Variants in LTBP1 observed in about 807,000 individuals in gnomAD.
LTBP1 encodes latent-transforming growth factor beta-binding protein 1.
A neutral mutation model predicts 207.6 loss-of-function variants in LTBP1; 129 were observed. The observed-to-expected ratio is 0.62, with a 90% CI of 0.54 to 0.72. The LOEUF is 0.72. LTBP1 is among the 30% of genes least tolerant of loss of function. The pLI is 0.00. For missense variants in LTBP1, 2,281 were observed against 2,217.2 expected, an observed-to-expected ratio of 1.03 and a Z score of -0.58; for synonymous variants, 963 against 833.7, an observed-to-expected ratio of 1.16 and a Z score of -2.67.
At position 33,071,441 on chromosome 2, in the gene LTBP1, G is replaced by A. The variant is rs964276864; in HGVS notation, c.864-39141G>A. Among the ~76,000 whole-genome samples the A allele has an allele frequency of 9.8e-5, 15 of 152,312 alleles. No homozygotes were observed. In the East Asian group the frequency reaches 1.2e-3, roughly 12 times the overall value. ...ATCTGCCTTATACTCTAGGGGAGAG[G>A]ATTCTGCAAGAATCTGGACTACCAG... is the stretch of plus-strand genomic sequence containing the variant. On this transcript the variant is annotated intron_variant, in intron 3 of 33. Coordinates refer to ENST00000404816, the MANE Select transcript of LTBP1 (RefSeq NM_206943.4).
At chr2:33,357,039 A>G (rs1257511089) in intron 26 of LTBP1, among the ~76,000 whole-genome samples, 1 of 152,234 alleles carries the variant, frequency 6.6e-6, no homozygotes, top group African/African-American at 2.4e-5. Context: ...TTCAGAACAC[A>G]TTGTAAATGG....
At chr2:33,024,732 A>G (rs962740590) in intron 3 of LTBP1, among the ~76,000 whole-genome samples, 5 of 152,238 alleles carry the variant, frequency 3.3e-5, no homozygotes, top group Admixed American at 3.3e-4. Context: ...ACTGGAGGAG[A>G]AGGGTGTATC....
At chr2:33,230,135 A>G (rs2091703814) in intron 9 of LTBP1, among the ~76,000 whole-genome samples, 1 of 152,216 alleles carries the variant, frequency 6.6e-6, no homozygotes. Context: ...AAAGGAGCCC[A>G]TTTAGCATCT....
At position 33,389,294 on chromosome 2, in the gene LTBP1, T is replaced by C; in HGVS notation, c.4822T>C (p.Phe1608Leu). The C allele has an allele frequency of 6.2e-7, 1 of 1,614,184 alleles. No individual in the cohort carries two copies. Among genetic ancestry groups the C allele is most frequent in the East Asian group, 2.2e-5 (1 of 44,864 alleles). ...EQYTPEADPY[F>L]IQDRFLNSFE... ...GTATACTCCAGAAGCCGATCCCTAC[T>C]TCATCCAAGACCGTAAGCAAAATAA... Residue 1608 changes from phenylalanine to leucine, a missense_variant, in exon 32 of 34, where the codon TTC becomes CTC. By Grantham distance (22) the Phe-to-Leu change is conservative. This residue lies in a region of LTBP1 where 1,671 missense variants were observed against 1,634.8 expected (regional missense o/e 1.02). Transcript: ENST00000404816.
chr2:33,161,133 G>A (rs1052788166), intron 5 of LTBP1, among the ~76,000 whole-genome samples: 5 of 151,974 alleles, frequency 3.3e-5, no homozygotes, highest in Admixed American at 1.3e-4. Flanking sequence ...GGTGTAAAGC[G>A]ATGTCATTCA....
chr2:33,199,140 C>T (rs1283831693), intron 7 of LTBP1, among the ~76,000 whole-genome samples: 1 of 152,018 alleles, frequency 6.6e-6, no homozygotes, highest in Non-Finnish European at 1.5e-5. Context: ...TTATTTCTGC[C>T]TTCATTTCGT....
At chr2:33,009,851 GCCTGTTAGATAC>G (rs1387933201) in intron 2 of LTBP1, among the ~76,000 whole-genome samples, 1 of 152,198 alleles carries the variant, frequency 6.6e-6, no homozygotes, top group Non-Finnish European at 1.5e-5. Flanking sequence ...AGTTTGAGAA[GCCTGTTAGATAC>G]CCACATGGAG....
intron 2 of LTBP1, among the ~76,000 whole-genome samples, chr2:32,951,923 C>G (rs75371103): frequency 6.6e-6 from 1 of 152,114 alleles, no homozygotes; most frequent in Non-Finnish European, 1.5e-5. Context: ...ACCAATGATA[C>G]GCCCACATGA....
At chr2:33,053,333 T>G (rs958921836) in intron 3 of LTBP1, among the ~76,000 whole-genome samples, 8 of 152,202 alleles carry the variant, frequency 5.3e-5, no homozygotes, top group Non-Finnish European at 1.0e-4. Context: ...TTGCTACAAA[T>G]GATGAACCTA....
chr2:33,382,724 C>T (rs1047125890), intron 31 of LTBP1, among the ~76,000 whole-genome samples: 4 of 152,146 alleles, frequency 2.6e-5, no homozygotes, highest in African/African-American at 4.8e-5. Flanking sequence ...CTAAAAGAAC[C>T]GTGTCCAGAC....
At chr2:33,351,874 G>A (rs1215287765) in intron 26 of LTBP1, among the ~76,000 whole-genome samples, 2 of 152,068 alleles carry the variant, frequency 1.3e-5, no homozygotes, top group East Asian at 3.9e-4. Flanking sequence ...AACATCCCAG[G>A]CAGTTACATG....
intron 2 of LTBP1, among the ~76,000 whole-genome samples, chr2:33,019,173 C>T (rs1688800019): frequency 6.6e-6 from 1 of 152,000 alleles, no homozygotes; most frequent in Non-Finnish European, 1.5e-5. Context: ...ATAGTGTGAT[C>T]TGCCTCAGGA....
At chr2:32,975,201 G>A (rs971709565) in intron 2 of LTBP1, among the ~76,000 whole-genome samples, 2 of 152,080 alleles carry the variant, frequency 1.3e-5, no homozygotes, top group Non-Finnish European at 2.9e-5. Context: ...CTATATTTTG[G>A]CCCCCAGTCT....
intron 24 of LTBP1, among the ~76,000 whole-genome samples, chr2:33,338,646 G>A (rs1375171868): frequency 6.6e-6 from 1 of 152,138 alleles, no homozygotes; most frequent in Admixed American, 6.5e-5. Context: ...TGCAGAGGAG[G>A]TGTCTCTTGG....
At chr2:33,107,840 C>T (rs1205443829) in intron 3 of LTBP1, among the ~76,000 whole-genome samples, 1 of 149,954 alleles carries the variant, frequency 6.7e-6, no homozygotes, top group East Asian at 2.4e-4. Context: ...AAGTTTAGTC[C>T]CCCACTTTGA....
intron 10 of LTBP1, among the ~76,000 whole-genome samples, chr2:33,249,680 G>A (rs529953556): frequency 5.3e-5 from 8 of 152,202 alleles, no homozygotes; most frequent in Admixed American, 5.2e-4. Flanking sequence ...GGTGGATGTG[G>A]CATTTTCAGT....
At chr2:33,112,408 A>G (rs1331529814) in intron 4 of LTBP1, among the ~76,000 whole-genome samples, 1 of 152,196 alleles carries the variant, frequency 6.6e-6, no homozygotes, top group East Asian at 1.9e-4. Flanking sequence ...TGTTCTGTCC[A>G]TATCTTTCCC....
At chr2:33,059,821 A>G (rs2077179496) in intron 3 of LTBP1, among the ~76,000 whole-genome samples, 1 of 152,220 alleles carries the variant, frequency 6.6e-6, no homozygotes, top group African/African-American at 2.4e-5. Flanking sequence ...ACAAAGAGAA[A>G]TGGCATGAAT....
intron 3 of LTBP1, among the ~76,000 whole-genome samples, chr2:33,084,822 G>C (rs1360725390): frequency 1.3e-5 from 2 of 152,216 alleles, no homozygotes; most frequent in Non-Finnish European, 2.9e-5. Flanking sequence ...CTGCGGGGTA[G>C]AGTCCACCAT....
Sources: allele counts gnomAD v4.1 joint callset (sites outside exome capture counted in the v4.1 genomes callset), GRCh38; gene constraint gnomAD v4.1.1; regional missense constraint gnomAD v4.1.1; transcripts MANE v1.5; gene names NCBI Gene and HGNC (gene_info 2026-07-23, HGNC 2026-07-21).